DZIP3: variants seen among roughly 807,000 people sequenced by gnomAD.
The protein encoded by DZIP3 is DAZ interacting zinc finger protein 3, also known as E3 ubiquitin-protein ligase DZIP3.
A neutral mutation model predicts 162.0 loss-of-function variants in DZIP3; 118 were observed. The ratio of observed to expected loss-of-function variants is 0.73; its 90% CI spans 0.63 to 0.85. DZIP3 has a LOEUF of 0.85. DZIP3 is among the 40% of genes least tolerant of loss of function. The pLI is 0.00. For synonymous variants in DZIP3, 438 were observed against 458.6 expected (o/e 0.96, Z 0.57); for missense variants, 1,331 against 1,407.0 (o/e 0.95, Z 0.86).
chr3:108,625,858 C>T lies in DZIP3; in HGVS notation c.470C>T (p.Ala157Val). ...ERGKKEDYTE[A>V]ENKFLVMKMM... ...ATGTTACTACAGGATTATACAGAAG[C>T]TGAGAATAAATTTCTGGTGATGAAG... The change falls in exon 7 of 33, where the codon GCT becomes GTT. Residue 157 changes from alanine to valine, a missense_variant. Ala to Val is a moderately conservative substitution (Grantham distance 64). This residue lies in a region of DZIP3 where 1,278 missense variants were observed against 1,317.1 expected (regional missense o/e 0.97). Coordinates refer to ENST00000361582, the MANE Select transcript of DZIP3 (RefSeq NM_014648.4). 1 of 1,611,064 alleles carries T rather than the reference C, an allele frequency of 6.2e-7. No individual in the cohort carries two copies. Among genetic ancestry groups the T allele is most frequent in the Non-Finnish European group, 8.5e-7 (1 of 1,178,880 alleles).
At position 108,672,577 on chromosome 3, in the gene DZIP3, A is replaced by G. The variant is rs1335566969; in HGVS notation, c.2510A>G (p.Glu837Gly). Reference protein sequence around the residue: ...LSMKRSQWEMEKHNLESTMKT... With the variant: ...LSMKRSQWEMGKHNLESTMKT... ...TATTTCAGATCTCAGTGGGAAATGGAAAAACATAATCTGGAAAGCACAATG... is the reference window on the plus strand; with the variant it reads ...TATTTCAGATCTCAGTGGGAAATGGGAAAACATAATCTGGAAAGCACAATG... The change falls in exon 23 of 33, where the codon GAA becomes GGA. Residue 837 changes from glutamate to glycine, a missense_variant. By Grantham distance (98) the Glu-to-Gly change is moderately conservative. Transcript: ENST00000361582. 6.2e-7 allele frequency: 1 copy of G among 1,611,816 alleles called. No homozygotes were observed. The highest frequency in any genetic ancestry group is 8.5e-7 in the Non-Finnish European group (1 of 1,178,456).
At chr3:108,655,381 A>G (rs549137977) in intron 19 of DZIP3, among the ~76,000 whole-genome samples, 5 of 152,242 alleles carry the variant, frequency 3.3e-5, no homozygotes, top group East Asian at 1.9e-4. Flanking sequence ...CTTACTGTCT[A>G]TGTGATTTGG....
intron 32 of DZIP3, chr3:108,691,121 T>C (rs892752460): frequency 5.4e-6 from 2 of 372,282 alleles, no homozygotes; most frequent in African/African-American, 2.1e-5. Context: ...ATATATGCTC[T>C]TAGTAGGTTT....
chr3:108,639,007 A>C (rs1028630837), intron 12 of DZIP3, among the ~76,000 whole-genome samples: 3 of 152,182 alleles, frequency 2.0e-5, no homozygotes, highest in African/African-American at 7.2e-5. Flanking sequence ...CCATCTCAAG[A>C]AACCTCCCAA....
intron 2 of DZIP3, 124 bp from the exon 3 acceptor site, chr3:108,607,965 C>G: frequency 3.8e-6 from 3 of 785,718 alleles, no homozygotes; most frequent in Non-Finnish European, 4.3e-6. Flanking sequence ...ACCACCATTA[C>G]CAGTCTTTGA....
At position 108,605,368 on chromosome 3, in the gene DZIP3, G is replaced by A. The variant is rs767662716; in HGVS notation, c.-39G>A. 5.0e-6 allele frequency: 8 copies of A among 1,612,972 alleles called. No homozygotes were observed. The highest frequency in any genetic ancestry group is 5.9e-6 in the Non-Finnish European group (7 of 1,179,470). The stretch of plus-strand genomic sequence containing the variant: ...GGCAGTATTTAAAGTCAGTTGGCAA[G>A]CAGTGGAATAAGATTTTTGTAAAGA... On this transcript the variant is annotated 5_prime_UTR_variant, in exon 2 of 33. Transcript: ENST00000361582.
chr3:108,678,385 C>T (rs1323531662), intron 26 of DZIP3, among the ~76,000 whole-genome samples: 1 of 152,022 alleles, frequency 6.6e-6, no homozygotes, highest in African/African-American at 2.4e-5. Context: ...AATTATCTTC[C>T]ATGAAACCAG....
chr3:108,678,511 G>C (rs932585362), intron 26 of DZIP3, among the ~76,000 whole-genome samples: 5 of 152,064 alleles, frequency 3.3e-5, no homozygotes, highest in Non-Finnish European at 7.4e-5. Context: ...TTCTTTTTGT[G>C]AAGTTTTATA....
At chr3:108,591,960 G>A (rs933581470) in intron 1 of DZIP3, among the ~76,000 whole-genome samples, 3 of 147,726 alleles carry the variant, frequency 2.0e-5, no homozygotes, top group Non-Finnish European at 4.4e-5. Context: ...TAGCCTGGGT[G>A]GCAGAGTGAG....
chr3:108,660,997 G>C (rs1227921830), intron 19 of DZIP3, among the ~76,000 whole-genome samples: 5 of 152,180 alleles, frequency 3.3e-5, no homozygotes, highest in Non-Finnish European at 5.9e-5. Context: ...AGGTGCTGGA[G>C]AGGATATGGA....
At chr3:108,611,468 T>C in intron 4 of DZIP3, 139 bp downstream of exon 4, 1 of 1,021,688 alleles carries the variant, frequency 9.8e-7, no homozygotes, top group South Asian at 1.5e-5. Flanking sequence ...AAGGGCTTTG[T>C]TGTCAACCTT....
rs758695716 is a variant in DZIP3, at chr3:108,688,083, C to T, written c.3257C>T (p.Pro1086Leu). Residue 1086 changes from proline (P) to leucine (L), a missense_variant, in exon 29 of 33, where the codon CCC becomes CTC. Coordinates refer to ENST00000361582, the MANE Select transcript of DZIP3 (RefSeq NM_014648.4). ...TGCAAGATTTCCCAGTTTATTGACC[C>T]CAAAAAGTCTCAGGTAAAATGCAAA... ...IVCKISQFID[P>L]KKSQSQGKSV... 16 of 1,613,174 alleles carry T rather than the reference C, an allele frequency of 9.9e-6. No homozygotes were observed. Among genetic ancestry groups the T allele is most frequent in the African/African-American group, 1.3e-5 (1 of 74,876 alleles).
At chr3:108,665,088 G>C (rs1344074812) in intron 21 of DZIP3, among the ~76,000 whole-genome samples, 2 of 152,084 alleles carry the variant, frequency 1.3e-5, no homozygotes, top group Non-Finnish European at 1.5e-5. Context: ...AGAAAACACA[G>C]ATCATACCAA....
At chr3:108,672,319 C>T (rs1019439229) in intron 22 of DZIP3, among the ~76,000 whole-genome samples, 3 of 151,912 alleles carry the variant, frequency 2.0e-5, no homozygotes, top group Non-Finnish European at 4.4e-5. Context: ...CCTCAGACAA[C>T]TTGATTTCAC....
intron 21 of DZIP3, among the ~76,000 whole-genome samples, chr3:108,665,433 T>C (rs965406008): frequency 2.0e-5 from 3 of 151,400 alleles, no homozygotes; most frequent in African/African-American, 7.3e-5. Flanking sequence ...AAAGAGAAAA[T>C]AGACTGGGAG....
At chr3:108,665,689 A>C (rs1473180607) in intron 21 of DZIP3, among the ~76,000 whole-genome samples, 1 of 152,162 alleles carries the variant, frequency 6.6e-6, no homozygotes, top group Non-Finnish European at 1.5e-5. Context: ...TGAAAACAAA[A>C]GACAAAGAAA....
chr3:108,671,587 G>A (rs1418937902), intron 22 of DZIP3, among the ~76,000 whole-genome samples: 1 of 151,876 alleles, frequency 6.6e-6, no homozygotes, highest in African/African-American at 2.4e-5. Flanking sequence ...ATTCAAAAAT[G>A]TTGAATGTAA....
At chr3:108,618,059 C>T (rs982973192) in intron 5 of DZIP3, among the ~76,000 whole-genome samples, 1 of 152,168 alleles carries the variant, frequency 6.6e-6, no homozygotes, top group African/African-American at 2.4e-5. Context: ...GAAAAGACAA[C>T]CTTGTAGGAG....
rs547267882 is a variant in DZIP3 at position 108,591,283 on chromosome 3, G to A, written c.-73+1444G>A. Among the ~76,000 whole-genome samples, 74 of 152,332 alleles carry A rather than the reference G, an allele frequency of 4.9e-4. No homozygotes were observed. In the East Asian group the frequency reaches 0.01, roughly 21 times the overall value. On this transcript the variant is annotated intron_variant, in intron 1 of 32. Transcript: ENST00000361582. ...TGAGGTCCTATACGGTCTTGGAGAT[G>A]GTTAAAAAATGAATTAATGTAAAGT...
Sources: allele counts gnomAD v4.1 joint callset (sites outside exome capture counted in the v4.1 genomes callset), GRCh38; gene constraint gnomAD v4.1.1; regional missense constraint gnomAD v4.1.1; transcripts MANE v1.5; gene names NCBI Gene and HGNC (gene_info 2026-07-23, HGNC 2026-07-21).